Variants in PPP1R1A observed in about 807,000 individuals in gnomAD.
PPP1R1A encodes protein phosphatase 1 regulatory subunit 1A.
In PPP1R1A, 18 loss-of-function variants were observed where a neutral mutation model predicts 23.9. The ratio of observed to expected loss-of-function variants is 0.75; its 90% CI spans 0.52 to 1.12. The LOEUF is 1.12. Ranked by LOEUF, PPP1R1A falls within the 50% of genes most tolerant of loss-of-function variation. The pLI is 0.00. For missense variants in PPP1R1A, 207 were observed against 223.8 expected (o/e 0.92, Z 0.48); for synonymous variants, 84 against 80.7 (o/e 1.04, Z -0.22).
intron 6 of PPP1R1A, 39 bp from the exon 7 acceptor site, chr12:54,580,431 G>A: frequency 6.3e-7 from 1 of 1,582,018 alleles, no homozygotes; most frequent in Non-Finnish European, 8.7e-7. Context: ...GAAGGTGAGA[G>A]GCCAGAGGGT....
intron 4 of PPP1R1A, 51 bp downstream of exon 4, chr12:54,582,681 C>A: frequency 1.3e-6 from 2 of 1,590,080 alleles, no homozygotes; most frequent in Non-Finnish European, 1.7e-6. Context: ...TCGGTCTCCT[C>A]TTCAGCTTCA....
chr12:54,581,867 C>A lies in PPP1R1A; in HGVS notation c.403+109G>T. The A allele has an allele frequency of 1.5e-6, 2 of 1,312,984 alleles. No homozygotes were observed. Among genetic ancestry groups the A allele is most frequent in the South Asian group, 1.5e-5 (1 of 66,466 alleles). The allele number at this position is 1,312,984 out of a possible 1,614,324, so 81.3% of individuals were successfully genotyped here. On this transcript the variant is annotated intron_variant, in intron 5 of 6. Coordinates refer to ENST00000257905, the MANE Select transcript of PPP1R1A (RefSeq NM_006741.4). The surrounding 1 kb of genome is among the most constrained non-coding windows in gnomAD (Gnocchi z 4.1). ...TCCTTGAGACAGTTTTTGCCTACTA[C>A]TAGGCCTCTCCCAGGCTCCAACTCT...
intron 1 of PPP1R1A, among the ~76,000 whole-genome samples, chr12:54,584,995 G>A (rs1338063742): frequency 2.0e-5 from 3 of 152,120 alleles, no homozygotes; most frequent in African/African-American, 7.2e-5. Flanking sequence ...TAACTTAAGA[G>A]GGCACAGGGC....
intron 3 of PPP1R1A, 83 bp from the exon 4 acceptor site, chr12:54,582,878 C>A: frequency 7.2e-7 from 1 of 1,396,056 alleles, no homozygotes; most frequent in Non-Finnish European, 9.9e-7. Flanking sequence ...CCCCCATGCC[C>A]TCCAGCCCCC....
Position 54,581,862 on chromosome 12 carries a change from T to C in PPP1R1A, c.403+114A>G, listed in dbSNP as rs1354076174. 4 of 1,223,006 alleles carry C rather than the reference T, an allele frequency of 3.3e-6. No homozygotes were observed. Among genetic ancestry groups the C allele is most frequent in the Non-Finnish European group, 4.5e-6 (4 of 893,516 alleles). The allele number at this position is 1,223,006 out of a possible 1,614,324, so 75.8% of individuals were successfully genotyped here. On this transcript the variant is annotated intron_variant, in intron 5 of 6. Transcript: ENST00000257905. The surrounding 1 kb of genome is among the most constrained non-coding windows in gnomAD (Gnocchi z 4.1). ...CCATATCCTTGAGACAGTTTTTGCC[T>C]ACTACTAGGCCTCTCCCAGGCTCCA...
chr12:54,585,686 G>A (rs185966838), intron 1 of PPP1R1A, among the ~76,000 whole-genome samples: 15 of 152,176 alleles, frequency 9.9e-5, no homozygotes, highest in Middle Eastern at 3.4e-3. Flanking sequence ...ACCACTGGCC[G>A]TGGGGGGATG....
At chr12:54,584,401 A>G (rs1358003147) in intron 1 of PPP1R1A, 81 bp from the exon 2 acceptor site, 6 of 1,320,086 alleles carry the variant, frequency 4.5e-6, no homozygotes, top group Non-Finnish European at 6.3e-6. Flanking sequence ...TCAGTAACAT[A>G]ATCCAGGCTA....
intron 1 of PPP1R1A, among the ~76,000 whole-genome samples, chr12:54,584,717 C>G (rs41291989): frequency 2.0e-3 from 305 of 152,050 alleles, no homozygotes; most frequent in Non-Finnish European, 3.4e-3. Flanking sequence ...ATGTACCCCC[C>G]TGAATCTAAA....
Position 54,581,903 on chromosome 12 carries a change from C to A in PPP1R1A, c.403+73G>T, listed in dbSNP as rs997793949. 30 of 1,505,540 alleles carry A rather than the reference C, an allele frequency of 2.0e-5. No individual in the cohort carries two copies. The highest frequency in any genetic ancestry group is 2.6e-5 in the Non-Finnish European group (29 of 1,122,682). 93.3% of individuals were successfully genotyped at this position (1,505,540 alleles called of 1,614,324 possible). A position where few individuals can be genotyped will look rare whatever the true frequency, so the allele number is the denominator to read the frequency against. On this transcript the variant is annotated intron_variant, in intron 5 of 6. Transcript: ENST00000257905. This position sits in a 1 kb window ranked among gnomAD's most constrained non-coding sequence, Gnocchi z 4.1. Reference sequence around the variant, plus strand: ...CCAGGCTCCAACTCTTTCCCCTCCCCGCAGTGGGTAAGGCTTGCCTCCTGC... The same window carrying A: ...CCAGGCTCCAACTCTTTCCCCTCCCAGCAGTGGGTAAGGCTTGCCTCCTGC...
In PPP1R1A at chr12:54,582,823, C is replaced by T. The variant is rs558619586; in HGVS notation, c.184-28G>A. The T allele has an allele frequency of 2.0e-5, 32 of 1,608,218 alleles. 1 individual carries two copies. In the Admixed American group the frequency reaches 2.5e-4, roughly 13 times the overall value. On this transcript the variant is annotated intron_variant, in intron 3 of 6. Transcript: ENST00000257905. ...GTGAAGGGCACAGAGCACAGATGGG[C>T]GCCAGCCCCCCCTTGCTCTCCAGAC... is the stretch of plus-strand genomic sequence containing the variant.
Position 54,588,438 on chromosome 12 carries a change from C to A in PPP1R1A, c.51G>T (p.Leu17=). 6.7e-7 allele frequency: 1 copy of A among 1,499,562 alleles called. No homozygotes were observed. Among genetic ancestry groups the A allele is most frequent in the Non-Finnish European group, 8.9e-7 (1 of 1,119,878 alleles). 92.9% of individuals were successfully genotyped at this position (1,499,562 alleles called of 1,614,324 possible). ...CCGCCTCGGGGTCAAGGTGCGGCTC[C>A]AGCAGCGGGACCGTGAACTGGATCT... ...PRKIQFTVPL[L]EPHLDPEAAE... is the part of the protein sequence containing the mutation. Residue 17 remains leucine, a synonymous_variant, in exon 1 of 7, where the codon CTG becomes CTT. Coordinates refer to ENST00000257905, the MANE Select transcript of PPP1R1A (RefSeq NM_006741.4).
At position 54,579,433 on chromosome 12, in the gene PPP1R1A, G is replaced by C; in HGVS notation, c.*954C>G. On this transcript the variant is annotated 3_prime_UTR_variant, in exon 7 of 7. Transcript: ENST00000257905. ...CATAGTAGCTGCATGGCAGAAGTGGGACCTGACGCTTCTCAGGCTCTGCTC... is the reference window on the plus strand; with the variant it reads ...CATAGTAGCTGCATGGCAGAAGTGGCACCTGACGCTTCTCAGGCTCTGCTC... 1 of 985,404 alleles carries C rather than the reference G, an allele frequency of 1.0e-6. No individual in the cohort carries two copies. The highest frequency in any genetic ancestry group is 1.2e-6 in the Non-Finnish European group (1 of 829,952). The allele number at this position is 985,404 out of a possible 1,614,324, so 61.0% of individuals were successfully genotyped here. A position where few individuals can be genotyped will look rare whatever the true frequency, so the allele number is the denominator to read the frequency against.
At chr12:54,583,387 C>A (rs972646122) in intron 2 of PPP1R1A, 139 bp from the exon 3 acceptor site, 3 of 796,036 alleles carry the variant, frequency 3.8e-6, no homozygotes, top group Admixed American at 7.8e-5. Flanking sequence ...GCTCTTGGCC[C>A]TCATGGCTGC....
At chr12:54,580,653 T>G (rs1050838964) in intron 6 of PPP1R1A, among the ~76,000 whole-genome samples, 1 of 152,242 alleles carries the variant, frequency 6.6e-6, no homozygotes, top group South Asian at 2.1e-4. Flanking sequence ...AGGATCTCCC[T>G]TCGGGTTCCA....
chr12:54,585,776 A>AG (rs1262656544), intron 1 of PPP1R1A, among the ~76,000 whole-genome samples: 1 of 142,832 alleles, frequency 7.0e-6, no homozygotes, highest in Admixed American at 7.2e-5. Context: ...TTTAAGCCTG[A>AG]GGGGGGAACT....
intron 2 of PPP1R1A, 110 bp downstream of exon 2, chr12:54,584,150 C>T (rs931664846): frequency 5.4e-6 from 6 of 1,112,656 alleles, no homozygotes; most frequent in South Asian, 1.3e-5. Flanking sequence ...GTACTGAGGA[C>T]ATCCCCGCCT....
At chr12:54,585,046 A>G (rs978544257) in intron 1 of PPP1R1A, among the ~76,000 whole-genome samples, 2 of 152,222 alleles carry the variant, frequency 1.3e-5, no homozygotes, top group Admixed American at 1.3e-4. Context: ...GCAAGATGTT[A>G]ACATTTTGTG....
At position 54,586,202 on chromosome 12, in the gene PPP1R1A, T is replaced by G. The variant is rs1380288470; in HGVS notation, c.85-1882A>C. ...CAAGTATGACAGAGGGCAGCAGGGC[T>G]GTCTGGTCTTGGACACATCACTTCC... On this transcript the variant is annotated intron_variant, in intron 1 of 6. Transcript: ENST00000257905. Among the ~76,000 whole-genome samples the G allele has an allele frequency of 3.3e-5, 5 of 152,194 alleles. No individual in the cohort carries two copies. In the East Asian group the frequency reaches 9.6e-4, roughly 29 times the overall value.
Position 54,584,339 on chromosome 12 carries a change from T to C in PPP1R1A, c.85-19A>G. 1.3e-6 allele frequency: 2 copies of C among 1,582,982 alleles called. No homozygotes were observed. The highest frequency in any genetic ancestry group is 1.7e-6 in the Non-Finnish European group (2 of 1,162,822). Reference sequence around the variant, plus strand: ...TCCGAATCTGAGGGAAGGTGGGAAATGGGGAAGAGGTCAAGTACACGTGGA... The same window carrying C: ...TCCGAATCTGAGGGAAGGTGGGAAACGGGGAAGAGGTCAAGTACACGTGGA... On this transcript the variant is annotated intron_variant, in intron 1 of 6. Coordinates refer to ENST00000257905, the MANE Select transcript of PPP1R1A (RefSeq NM_006741.4).
Sources: gnomAD v4.1 joint callset for allele counts (sites outside exome capture counted in the v4.1 genomes callset) on GRCh38, gnomAD v4.1.1 for gene constraint, Gnocchi (gnomAD v3.1) non-coding constraint, MANE v1.5 for transcripts, NCBI Gene and HGNC (gene_info 2026-07-23, HGNC 2026-07-21) for gene names.